TLK2: variants seen among roughly 807,000 people sequenced by gnomAD.
TLK2 encodes serine/threonine-protein kinase tousled-like 2.
In TLK2, 6 loss-of-function variants were observed where a neutral mutation model predicts 117.3. The observed-to-expected ratio is 0.05, with a 90% CI of 0.03 to 0.10. The LOEUF (loss-of-function observed/expected upper bound fraction) is 0.10. TLK2 is among the 10% of genes least tolerant of loss of function. TLK2 has a pLI of 1.00. For synonymous variants in TLK2, 257 were observed against 316.7 expected, an observed-to-expected ratio of 0.81 and a Z score of 2.00; for missense variants, 299 against 901.2, an observed-to-expected ratio of 0.33 and a Z score of 8.56.
At chr17:62,594,968 G>T (rs140499947) in intron 16 of TLK2, among the ~76,000 whole-genome samples, 2,706 of 152,218 alleles carry the variant, frequency 0.018, 52 homozygotes, top group Non-Finnish European at 0.023. Flanking sequence ...ACCAGGAATT[G>T]ATTTTTTTTT....
intron 11 of TLK2, among the ~76,000 whole-genome samples, chr17:62,571,546 G>A (rs1186029004): frequency 6.6e-6 from 1 of 151,914 alleles, no homozygotes; most frequent in Non-Finnish European, 1.5e-5. Flanking sequence ...AGAATTTTCA[G>A]GCAAACAGAA....
At chr17:62,516,682 A>G in intron 2 of TLK2, 3 of 1,609,392 alleles carry the variant, frequency 1.9e-6, no homozygotes, top group Non-Finnish European at 2.5e-6. Flanking sequence ...GTGCTTAGGC[A>G]TGTGGACATC....
At chr17:62,573,020 C>T (rs1469396170) in intron 11 of TLK2, 195 bp from the exon 12 acceptor site, 1 of 567,966 alleles carries the variant, frequency 1.8e-6, no homozygotes, top group Non-Finnish European at 3.1e-6. Context: ...TCTTAAAGCA[C>T]AGACTCATTC....
intron 2 of TLK2, among the ~76,000 whole-genome samples, chr17:62,481,541 C>A (rs559902584): frequency 5.4e-4 from 83 of 152,322 alleles, no homozygotes; most frequent in African/African-American, 1.8e-3. Context: ...AAGAAAATTA[C>A]AAGGCATTGC....
In TLK2 at chr17:62,598,101, G is replaced by T. The variant is rs930568358; in HGVS notation, c.1550+1427G>T. ...TCAGGGATTTCTTCTCATTTGGGTA[G>T]CCCTGGCACTGAGCTTAGCCATGTG... On this transcript the variant is annotated intron_variant, in intron 17 of 21. Transcript: ENST00000346027. 4.6e-5 allele frequency among the ~76,000 whole-genome samples: 7 copies of T among 152,184 alleles called. 1 individual carries two copies. The South Asian group carries it at 6.2e-4, about 14-fold the overall frequency.
intron 10 of TLK2, among the ~76,000 whole-genome samples, chr17:62,561,536 C>T (rs1234885601): frequency 6.6e-6 from 1 of 152,146 alleles, no homozygotes; most frequent in Non-Finnish European, 1.5e-5. Flanking sequence ...TTTAAGAAGA[C>T]AGTACTTCCT....
intron 16 of TLK2, among the ~76,000 whole-genome samples, chr17:62,587,298 C>G (rs956369637): frequency 6.6e-6 from 1 of 152,084 alleles, no homozygotes; most frequent in African/African-American, 2.4e-5. Flanking sequence ...GTTTTGTTTC[C>G]TTGTTGTTGG....
chr17:62,489,446 C>T (rs761191996), intron 2 of TLK2, among the ~76,000 whole-genome samples: 1 of 151,936 alleles, frequency 6.6e-6, no homozygotes, highest in Non-Finnish European at 1.5e-5. Flanking sequence ...TAACCTCAGG[C>T]GATCCGCCAG....
Position 62,541,052 on chromosome 17 carries a change from C to T in TLK2, c.531+4715C>T, listed in dbSNP as rs148853059. Among the ~76,000 whole-genome samples the T allele has an allele frequency of 6.7e-3, 1,025 of 152,254 alleles. 8 individuals carry two copies. Among genetic ancestry groups the T allele is most frequent in the Non-Finnish European group, 7.4e-3 (505 of 68,026 alleles). ...GCGTTGGCTGTTGCCTTTGCCCTAA[C>T]ATTCTTCACCCATATATCATCATGC... On this transcript the variant is annotated intron_variant, in intron 7 of 21. Coordinates refer to ENST00000346027, the MANE Select transcript of TLK2 (RefSeq NM_006852.6).
intron 16 of TLK2, among the ~76,000 whole-genome samples, chr17:62,591,011 G>GGAGGCC (rs1406943796): frequency 6.6e-6 from 1 of 152,134 alleles, no homozygotes; most frequent in Non-Finnish European, 1.5e-5. Flanking sequence ...CAGCACTTTG[G>GGAGGCC]GAGGCCGAGG....
At chr17:62,542,316 C>A (rs2077593077) in intron 7 of TLK2, among the ~76,000 whole-genome samples, 1 of 152,048 alleles carries the variant, frequency 6.6e-6, no homozygotes, top group African/African-American at 2.4e-5. Flanking sequence ...AGACAGGGTC[C>A]CACTGTGTTG....
chr17:62,504,824 A>G (rs1255929115), intron 2 of TLK2, among the ~76,000 whole-genome samples: 1 of 152,020 alleles, frequency 6.6e-6, no homozygotes, highest in Non-Finnish European at 1.5e-5. Flanking sequence ...ATGTATATAT[A>G]TAGTGCTAAT....
intron 16 of TLK2, among the ~76,000 whole-genome samples, chr17:62,586,984 A>G (rs2081658655): frequency 1.3e-5 from 2 of 151,882 alleles, no homozygotes; most frequent in African/African-American, 4.8e-5. Context: ...TCTCTGTGCT[A>G]TGTTCTCCTC....
chr17:62,491,744 C>T (rs1481519733), intron 2 of TLK2, among the ~76,000 whole-genome samples: 1 of 152,098 alleles, frequency 6.6e-6, no homozygotes, highest in East Asian at 1.9e-4. Context: ...TGCCACCATG[C>T]CCTGCTAATT....
At chr17:62,474,630 G>A (rs1196940563), upstream of TLK2, among the ~76,000 whole-genome samples, 2 of 146,410 alleles carry the variant, frequency 1.4e-5, no homozygotes, top group Non-Finnish European at 3.0e-5. Context: ...GGATGGTCTC[G>A]ATCTCCTGAC....
chr17:62,511,439 T>C (rs181740349), intron 2 of TLK2, among the ~76,000 whole-genome samples: 1 of 152,186 alleles, frequency 6.6e-6, no homozygotes, highest in African/African-American at 2.4e-5. Context: ...GGTGCAATCT[T>C]AGCTCACTGC....
chr17:62,549,159 C>T (rs1326482440), intron 7 of TLK2, among the ~76,000 whole-genome samples: 16 of 147,460 alleles, frequency 1.1e-4, no homozygotes, highest in African/African-American at 2.7e-4. Context: ...TTTGGGAGGC[C>T]GAGGTGGGGG....
At chr17:62,522,392 A>G in intron 4 of TLK2, 119 bp downstream of exon 4, 1 of 1,102,980 alleles carries the variant, frequency 9.1e-7, no homozygotes, top group Non-Finnish European at 1.3e-6. Context: ...AGGTTTGTGT[A>G]TCTTAAGGGA....
intron 19 of TLK2, 67 bp from the exon 20 acceptor site, chr17:62,606,037 ATTTTCAACAAGATATTTTATTTTGTC>A: frequency 2.4e-6 from 1 of 414,950 alleles, no homozygotes. Flanking sequence ...CGATATTTCT[ATTTTCAACAAGATATTTTATTTTGTC>A]TTTTTGTACA....
Sources: allele counts gnomAD v4.1 joint callset (sites outside exome capture counted in the v4.1 genomes callset), GRCh38; gene constraint gnomAD v4.1.1; transcripts MANE v1.5; gene names NCBI Gene and HGNC (gene_info 2026-07-23, HGNC 2026-07-21).